ZNF554: variants seen among roughly 807,000 people sequenced by gnomAD.
ZNF554 encodes the protein zinc finger protein 554.
Under a neutral mutation model 21.2 loss-of-function variants are expected in ZNF554, and 15 were observed. The observed-to-expected ratio is 0.71, with a 90% CI of 0.47 to 1.09. ZNF554 has a LOEUF of 1.09. ZNF554 is among the 50% of genes least tolerant of loss of function. The pLI is 0.00. For missense variants in ZNF554, 691 were observed against 662.7 expected (o/e 1.04, Z -0.47); for synonymous variants, 258 against 251.4 (o/e 1.03, Z -0.25).
In ZNF554 at chr19:2,821,809, GCA is replaced by G. The variant is rs2087267752; in HGVS notation, c.54-1229_54-1228del. Among the ~76,000 whole-genome samples the G allele has an allele frequency of 1.3e-5, 2 of 151,808 alleles. No individual in the cohort carries two copies. Among genetic ancestry groups the G allele is most frequent in the Non-Finnish European group, 2.9e-5 (2 of 67,952 alleles). The stretch of plus-strand genomic sequence containing the variant: ...CTCTCGAGTAGCTGGGATTACAGGT[GCA>G]CGCCACCACACCCAGCTAATTTTTG... On this transcript the variant is annotated intron_variant, in intron 1 of 4. Coordinates refer to ENST00000317243, the MANE Select transcript of ZNF554 (RefSeq NM_001102651.2). This position sits in a 1 kb window ranked among gnomAD's most constrained non-coding sequence, Gnocchi z 8.2.
intron 2 of ZNF554, among the ~76,000 whole-genome samples, chr19:2,825,013 T>TG (rs1469004849): frequency 6.8e-6 from 1 of 146,840 alleles, no homozygotes; most frequent in African/African-American, 2.6e-5. Flanking sequence ...GTTTTTTTTT[T>TG]TTTTTTTTTT....
chr19:2,829,890 C>T (rs773220714), intron 3 of ZNF554, among the ~76,000 whole-genome samples: 1 of 151,486 alleles, frequency 6.6e-6, no homozygotes, highest in Non-Finnish European at 1.5e-5. Context: ...ATGAGTCACT[C>T]TCCATCTCTA....
chr19:2,825,000 G>GTTTTTTTTTTTTTTTTTTTT lies in ZNF554; in HGVS notation c.126+1890_126+1891insTTTTTTTTTTTTTTTTTTTT, dbSNP rs1568332468. Among the ~76,000 whole-genome samples, 5 of 114,914 alleles carry GTTTTTTTTTTTTTTTTTTTT rather than the reference G, an allele frequency of 4.4e-5. 1 individual carries two copies. Among genetic ancestry groups the GTTTTTTTTTTTTTTTTTTTT allele is most frequent in the Non-Finnish European group, 3.6e-5 (2 of 55,646 alleles). The allele number at this position is 114,914 out of a possible 152,430, so 75.4% of individuals were successfully genotyped here. ...TCTCACTGAGCATAACGTGATTGCA[G>GTTTTTTTTTTTTTTTTTTTT]TTGTTTTTTTTTTTTTTTTTTTTTT... On this transcript the variant is annotated intron_variant, in intron 2 of 4. Coordinates refer to ENST00000317243, the MANE Select transcript of ZNF554 (RefSeq NM_001102651.2).
chr19:2,823,590 G>C (rs974837112), intron 2 of ZNF554, among the ~76,000 whole-genome samples: 4 of 152,148 alleles, frequency 2.6e-5, no homozygotes, highest in Admixed American at 2.6e-4. Flanking sequence ...AAGTCATTCG[G>C]ACGTCTCTGC....
intron 2 of ZNF554, among the ~76,000 whole-genome samples, chr19:2,826,797 G>A (rs1297811220): frequency 2.6e-5 from 4 of 151,976 alleles, no homozygotes; most frequent in Non-Finnish European, 5.9e-5. Context: ...GAGTAGCTAG[G>A]ACTACAGGCG....
intron 1 of ZNF554, among the ~76,000 whole-genome samples, chr19:2,820,446 G>A (rs1225994623): frequency 2.0e-5 from 3 of 152,218 alleles, no homozygotes; most frequent in Non-Finnish European, 4.4e-5. Context: ...GGCCACATCA[G>A]AGGGTCTGAG....
intron 3 of ZNF554, chr19:2,831,217 G>A (rs1318230324): frequency 6.6e-6 from 1 of 152,026 alleles, no homozygotes; most frequent in African/African-American, 2.4e-5. Flanking sequence ...GTTTTGATAT[G>A]CATTCCCCTA....
rs751437321 is a variant in ZNF554, at chr19:2,821,002, G to A, written c.53+878G>A. On this transcript the variant is annotated intron_variant, in intron 1 of 4. Transcript: ENST00000317243. This position sits in a 1 kb window ranked among gnomAD's most constrained non-coding sequence, Gnocchi z 8.2. ...GTTTATACCCACCACCCATGTTGAG[G>A]AATGAGGGAGGCAGCTGACCTTTCT... Among the ~76,000 whole-genome samples, 1 of 151,484 alleles carries A rather than the reference G, an allele frequency of 6.6e-6. No individual in the cohort carries two copies. Among genetic ancestry groups the A allele is most frequent in the South Asian group, 2.1e-4 (1 of 4,810 alleles).
Position 2,827,632 on chromosome 19 carries a change from G to A in ZNF554, c.142G>A (p.Glu48Lys), listed in dbSNP as rs1568333662. The A allele has an allele frequency of 1.2e-6, 2 of 1,613,638 alleles. No homozygotes were observed. The highest frequency in any genetic ancestry group is 2.7e-5 in the African/African-American group (2 of 74,900). ...GATATTCTAGGAATTAGTAACCTTTGAGGACGTGTCCATGGACTTCTCCCA... is the reference window on the plus strand; with the variant it reads ...GATATTCTAGGAATTAGTAACCTTTAAGGACGTGTCCATGGACTTCTCCCA... ...PRWSQELVTF[E>K]DVSMDFSQEE... Residue 48 changes from glutamate (E) to lysine (K), a missense_variant, in exon 3 of 5, where the codon GAG becomes AAG. Coordinates refer to ENST00000317243, the MANE Select transcript of ZNF554 (RefSeq NM_001102651.2).
At position 2,820,097 on chromosome 19, in the gene ZNF554, GGC is replaced by G. The variant is rs2087241961; in HGVS notation, c.34_35del (p.Arg12AlafsTer36). 8.2e-7 allele frequency: 1 copy of G among 1,217,094 alleles called. No homozygotes were observed. Among genetic ancestry groups the G allele is most frequent in the Non-Finnish European group, 1.0e-6 (1 of 978,078 alleles). 75.4% of individuals were successfully genotyped at this position (1,217,094 alleles called of 1,614,324 possible). A position where few individuals can be genotyped will look rare whatever the true frequency, so the allele number is the denominator to read the frequency against. ...ATGGTCACCTGCGCCCACCTGGGCC[GGC>G]GCGCGCGGCTCCCGGCAGCTCAGCC... On this transcript the variant is annotated frameshift_variant, in exon 1 of 5. Transcript: ENST00000317243. LOFTEE classifies it high-confidence loss of function.
rs956992273 is a variant in ZNF554, at chr19:2,821,880, G to A, written c.54-1160G>A. 3.9e-5 allele frequency among the ~76,000 whole-genome samples: 6 copies of A among 151,916 alleles called. No homozygotes were observed. Among genetic ancestry groups the A allele is most frequent in the Non-Finnish European group, 7.4e-5 (5 of 67,984 alleles). On this transcript the variant is annotated intron_variant, in intron 1 of 4. Transcript: ENST00000317243. This position sits in a 1 kb window ranked among gnomAD's most constrained non-coding sequence, Gnocchi z 8.2. ...GGGTTTTGCCATGTTGGCCAGGCTG[G>A]TCTCGAACTCCTGACCTCGTGGTCT...
chr19:2,822,818 G>A (rs995154818), intron 1 of ZNF554, among the ~76,000 whole-genome samples: 5 of 152,184 alleles, frequency 3.3e-5, no homozygotes, highest in South Asian at 2.1e-4. Flanking sequence ...GCCATGAGAT[G>A]AGCTATGATT....
Position 2,821,026 on chromosome 19 carries a change from C to T in ZNF554, c.53+902C>T, listed in dbSNP as rs1299231881. On this transcript the variant is annotated intron_variant, in intron 1 of 4. Transcript: ENST00000317243. This position sits in a 1 kb window ranked among gnomAD's most constrained non-coding sequence, Gnocchi z 8.2. Reference sequence around the variant, plus strand: ...GGAATGAGGGAGGCAGCTGACCTTTCTGCTGCTCTAGCAACCCCAACCTCC... The same window carrying T: ...GGAATGAGGGAGGCAGCTGACCTTTTTGCTGCTCTAGCAACCCCAACCTCC... Among the ~76,000 whole-genome samples the T allele has an allele frequency of 1.3e-5, 2 of 151,704 alleles. No individual in the cohort carries two copies. The highest frequency in any genetic ancestry group is 4.9e-5 in the African/African-American group (2 of 41,042).
intron 2 of ZNF554, 42 bp from the exon 3 acceptor site, chr19:2,827,575 G>C (rs1303388115): frequency 6.3e-7 from 1 of 1,585,030 alleles, no homozygotes; most frequent in African/African-American, 1.4e-5. Context: ...GAACGTGGGT[G>C]GCGATGGACC....
At chr19:2,828,180 C>T (rs2087361320) in intron 3 of ZNF554, among the ~76,000 whole-genome samples, 1 of 152,152 alleles carries the variant, frequency 6.6e-6, no homozygotes, top group Non-Finnish European at 1.5e-5. Flanking sequence ...TGGCACCATG[C>T]TGGGAATGGG....
In ZNF554 at chr19:2,823,054, G is replaced by A. The variant is rs1283059023; in HGVS notation, c.68G>A (p.Gly23Glu). 1 of 1,613,664 alleles carries A rather than the reference G, an allele frequency of 6.2e-7. No individual in the cohort carries two copies. Among genetic ancestry groups the A allele is most frequent in the South Asian group, 1.1e-5 (1 of 91,050 alleles). ...CCTCCCCACAGCTCTGCCTGCCCAG[G>A]AACCTGCTTTTCCCAAGAGGAGAGA... The part of the protein sequence containing the change: ...LPAAQPSACP[G>E]TCFSQEERMA... Residue 23 changes from glycine to glutamate, a missense_variant, in exon 2 of 5, where the codon GGA becomes GAA. By Grantham distance (98) the Gly-to-Glu change is moderately conservative (BLOSUM62 -2). Coordinates refer to ENST00000317243, the MANE Select transcript of ZNF554 (RefSeq NM_001102651.2).
In ZNF554 at chr19:2,823,068, C is replaced by T. The variant is rs1204954097; in HGVS notation, c.82C>T (p.Gln28Ter). The change falls in exon 2 of 5, where the codon CAA (glutamine) becomes TAA (stop). Residue 28 changes from glutamine (Q) to a stop codon, truncating the protein, a stop_gained. Coordinates refer to ENST00000317243, the MANE Select transcript of ZNF554 (RefSeq NM_001102651.2). LOFTEE classifies it high-confidence loss of function. Reference protein sequence around the residue: ...PSACPGTCFSQEERMAAGYLP... With the variant: ...PSACPGTCFS ...TGCCTGCCCAGGAACCTGCTTTTCCCAAGAGGAGAGAATGGCTGCTGGGTA... is the reference window on the plus strand; with the variant it reads ...TGCCTGCCCAGGAACCTGCTTTTCCTAAGAGGAGAGAATGGCTGCTGGGTA... 2 of 1,613,642 alleles carry T rather than the reference C, an allele frequency of 1.2e-6. No homozygotes were observed. The highest frequency in any genetic ancestry group is 1.3e-5 in the African/African-American group (1 of 75,022).
Position 2,834,194 on chromosome 19 carries a change from C to T in ZNF554, c.959C>T (p.Ala320Val), listed in dbSNP as rs2144826682. ...ALTIHNKINT[A>V]EKPFECHQCG... ...ACTATCCACAACAAAATCAACACGG[C>T]AGAGAAACCCTTTGAGTGCCACCAG... The change falls in exon 5 of 5, where the codon GCA becomes GTA. Residue 320 changes from alanine (A) to valine (V), a missense_variant. Transcript: ENST00000317243. The T allele has an allele frequency of 1.2e-6, 2 of 1,613,986 alleles. No individual in the cohort carries two copies. Among genetic ancestry groups the T allele is most frequent in the Middle Eastern group, 1.6e-4 (1 of 6,062 alleles).
At chr19:2,831,629 C>T (rs1002835908) in intron 3 of ZNF554, 4 of 122,754 alleles carry the variant, frequency 3.3e-5, no homozygotes, top group African/African-American at 1.2e-4. Flanking sequence ...CAGAGTCTCA[C>T]TCTCATTGCC....
Sources: gnomAD v4.1 joint callset for allele counts (sites outside exome capture counted in the v4.1 genomes callset) on GRCh38, gnomAD v4.1.1 for gene constraint, Gnocchi (gnomAD v3.1) non-coding constraint, MANE v1.5 for transcripts, NCBI Gene and HGNC (gene_info 2026-07-23, HGNC 2026-07-21) for gene names.